FGF12: variants seen among roughly 807,000 people sequenced by gnomAD.
FGF12 encodes fibroblast growth factor 12B.
FGF12 carries 14 observed loss-of-function variants against 23.6 expected under a neutral mutation model. That is an observed-to-expected ratio of 0.59 (90% confidence interval 0.39 to 0.93). The LOEUF is 0.93. Ranked by LOEUF, FGF12 falls within the 40% of genes least tolerant of loss-of-function variation. The pLI, the probability that FGF12 is intolerant of heterozygous loss-of-function variation, is 0.00. For synonymous variants in FGF12, 62 were observed against 77.3 expected (o/e 0.80, Z 1.04); for missense variants, 175 against 217.8 (o/e 0.80, Z 1.24).
chr3:192,401,434 G>A (rs1339623977), intron 2 of FGF12, among the ~76,000 whole-genome samples: 1 of 152,182 alleles, frequency 6.6e-6, no homozygotes, highest in Non-Finnish European at 1.5e-5. Flanking sequence ...ATAACTAGTG[G>A]TATTAGGAAA....
chr3:192,378,019 CTCTTTCTTTTCTTTCTT>C lies in FGF12; in HGVS notation c.14-17498_14-17482del, dbSNP rs1560091583. On this transcript the variant is annotated intron_variant, in intron 2 of 5. Transcript: ENST00000445105. ...ATTAGACGAGATCCCTTTCTTCTGA[CTCTTTCTTTTCTTTCTT>C]TCTTTCTTTCTTTCTTTCTTTCTTT... 2.2e-3 allele frequency among the ~76,000 whole-genome samples: 179 copies of C among 81,540 alleles called. 27 individuals are homozygous for C. The highest frequency in any genetic ancestry group is 9.7e-3 in the African/African-American group (168 of 17,304). The allele number at this position is 81,540 out of a possible 152,430, so 53.5% of individuals were successfully genotyped here.
intron 2 of FGF12, among the ~76,000 whole-genome samples, chr3:192,437,726 A>C (rs1421279960): frequency 6.6e-6 from 1 of 151,982 alleles, no homozygotes; most frequent in Non-Finnish European, 1.5e-5. Context: ...AAACAAAAAA[A>C]AAAACAGTGA....
At chr3:192,229,163 AT>A (rs752221605) in intron 4 of FGF12, among the ~76,000 whole-genome samples, 1,882 of 148,442 alleles carry the variant, frequency 0.013, 23 homozygotes, top group African/African-American at 0.035. Context: ...AGTGAATAAA[AT>A]TTTAAAAAAA....
At chr3:192,321,911 A>T (rs1234864579) in intron 4 of FGF12, among the ~76,000 whole-genome samples, 2 of 152,170 alleles carry the variant, frequency 1.3e-5, no homozygotes, top group Non-Finnish European at 2.9e-5. Context: ...AGGGAACAAG[A>T]CAAGGATGCC....
At chr3:192,334,739 A>G (rs1276161708) in intron 4 of FGF12, among the ~76,000 whole-genome samples, 1 of 152,178 alleles carries the variant, frequency 6.6e-6, no homozygotes, top group African/African-American at 2.4e-5. Context: ...AAAAGTCCAA[A>G]ATTAAGCCAA....
intron 4 of FGF12, among the ~76,000 whole-genome samples, chr3:192,307,603 C>T (rs917360581): frequency 6.6e-6 from 1 of 152,094 alleles, no homozygotes; most frequent in Non-Finnish European, 1.5e-5. Context: ...AACCAAACAA[C>T]AATAATAACA....
At chr3:192,372,982 T>C (rs1291248571) in intron 2 of FGF12, among the ~76,000 whole-genome samples, 1 of 152,180 alleles carries the variant, frequency 6.6e-6, no homozygotes, top group East Asian at 1.9e-4. Flanking sequence ...CTGGATTGAT[T>C]TTCTTCCTGA....
intron 3 of FGF12, among the ~76,000 whole-genome samples, chr3:192,338,115 T>C (rs572521360): frequency 8.5e-5 from 13 of 152,238 alleles, no homozygotes; most frequent in Admixed American, 6.5e-5. Context: ...CAAAACATCA[T>C]ATTTCATCTT....
chr3:192,256,375 A>G (rs1293034986), intron 4 of FGF12, among the ~76,000 whole-genome samples: 6 of 43,850 alleles, frequency 1.4e-4, no homozygotes, highest in Admixed American at 5.0e-4. Context: ...CTCATACCGC[A>G]CACACACACA....
In FGF12 at chr3:192,279,423, C is replaced by A. The variant is rs6808757; in HGVS notation, c.228+55938G>T. 3.2e-3 allele frequency among the ~76,000 whole-genome samples: 485 copies of A among 151,812 alleles called. 3 individuals are homozygous for A. Among genetic ancestry groups the A allele is most frequent in the Non-Finnish European group, 5.1e-3 (345 of 67,938 alleles). ...GCCAGACATTTTTCTAAGCATTTCA[C>A]ATATTTATTTCATTTAATTCTAATA... On this transcript the variant is annotated intron_variant, in intron 4 of 5. Transcript: ENST00000445105.
intron 2 of FGF12, among the ~76,000 whole-genome samples, chr3:192,716,416 T>TA (rs1255112199): frequency 1.1e-4 from 17 of 152,200 alleles, no homozygotes; most frequent in African/African-American, 4.1e-4. Context: ...AACTATGATT[T>TA]AAAAAATCAG....
At chr3:192,571,086 A>G (rs781408) in intron 2 of FGF12, among the ~76,000 whole-genome samples, 128,684 of 147,618 alleles carry the variant, frequency 0.87, 54,878 homozygotes, top group East Asian at 0.99. Context: ...TGTTGGGGGG[A>G]AAAAACAAAC....
intron 2 of FGF12, among the ~76,000 whole-genome samples, chr3:192,403,669 A>C (rs763481285): frequency 1.8e-4 from 28 of 152,124 alleles, no homozygotes; most frequent in Admixed American, 1.0e-3. Context: ...TAAATGTAAA[A>C]TATCACCTGT....
intron 4 of FGF12, among the ~76,000 whole-genome samples, chr3:192,280,115 T>G (rs895061678): frequency 6.6e-6 from 1 of 152,204 alleles, no homozygotes; most frequent in Non-Finnish European, 1.5e-5. Context: ...AATGTGTTTT[T>G]TTAAAGAGAG....
chr3:192,561,508 AC>A (rs1292231065), intron 2 of FGF12, among the ~76,000 whole-genome samples: 6 of 151,902 alleles, frequency 3.9e-5, no homozygotes, highest in African/African-American at 1.2e-4. Context: ...GACTACAGGC[AC>A]CCGCCACCAC....
intron 2 of FGF12, among the ~76,000 whole-genome samples, chr3:192,721,792 T>C (rs1320950617): frequency 6.6e-6 from 1 of 152,112 alleles, no homozygotes; most frequent in Non-Finnish European, 1.5e-5. Flanking sequence ...TAGCTTGAGT[T>C]CAAATGTTCT....
intron 2 of FGF12, among the ~76,000 whole-genome samples, chr3:192,691,245 T>C (rs1178524542): frequency 6.6e-6 from 1 of 152,092 alleles, no homozygotes; most frequent in Non-Finnish European, 1.5e-5. Flanking sequence ...TTCTTCTTAA[T>C]GGCACACGGA....
intron 4 of FGF12, among the ~76,000 whole-genome samples, chr3:192,269,765 C>T (rs930580350): frequency 9.2e-5 from 14 of 152,084 alleles, no homozygotes; most frequent in Non-Finnish European, 1.5e-5. Flanking sequence ...AATTTCTATA[C>T]CATTGGGTAT....
intron 2 of FGF12, among the ~76,000 whole-genome samples, chr3:192,381,531 GT>G (rs1205397639): frequency 6.6e-6 from 1 of 152,124 alleles, no homozygotes; most frequent in Non-Finnish European, 1.5e-5. Context: ...GCCACAATCA[GT>G]TATTATAATT....
Sources: gnomAD v4.1 joint callset for allele counts (sites outside exome capture counted in the v4.1 genomes callset) on GRCh38, gnomAD v4.1.1 for gene constraint, MANE v1.5 for transcripts, NCBI Gene and HGNC (gene_info 2026-07-23, HGNC 2026-07-21) for gene names.